Variants in BRWD1 observed in about 807,000 individuals in gnomAD.
BRWD1 encodes bromodomain and WD repeat domain containing 1, also known as bromodomain and WD repeat-containing protein 1.
BRWD1 carries 82 observed loss-of-function variants against 251.2 expected under a neutral mutation model. The observed-to-expected ratio is 0.33, with a 90% confidence interval of 0.27 to 0.39. The LOEUF is 0.39. Among genes scored for constraint, BRWD1 ranks in the 10% least tolerant of loss-of-function variants. The pLI is 1.00. For missense variants in BRWD1, 2,233 were observed against 2,711.6 expected (o/e 0.82, Z 3.92); for synonymous variants, 918 against 902.8 (o/e 1.02, Z -0.30).
rs1364547592 is a variant in BRWD1 at position 39,196,959 on chromosome 21, T to G, written c.6110A>C (p.Lys2037Thr). The G allele has an allele frequency of 6.2e-7, 1 of 1,614,020 alleles. No individual in the cohort carries two copies. Among genetic ancestry groups the G allele is most frequent in the South Asian group, 1.1e-5 (1 of 91,074 alleles). The change falls in exon 41 of 41, where the codon AAA (lysine) becomes ACA (threonine). Residue 2037 changes from lysine (K) to threonine (T), a missense_variant. Coordinates refer to ENST00000342449, the MANE Select transcript of BRWD1 (RefSeq NM_033656.4). ...EHKHRHTNIH[K>T]IDAPSKRKSS... ...TTTTCTTTTAGAAGGTGCATCTATT[T>G]TGTGAATATTGGTATGCCTGTGCTT...
Position 39,191,392 on chromosome 21 carries a change from A to G in BRWD1, c.*4867T>C. ...ACCAGCTAGAATGTATTTGGCTTGG[A>G]GTAGTGTTTTGTTTTGTTTTTTAAC... On this transcript the variant is annotated 3_prime_UTR_variant, in exon 41 of 41. Coordinates refer to ENST00000342449, the MANE Select transcript of BRWD1 (RefSeq NM_033656.4). 1.0e-6 allele frequency: 1 copy of G among 985,338 alleles called. No homozygotes were observed. The highest frequency in any genetic ancestry group is 1.2e-6 in the Non-Finnish European group (1 of 829,896). The allele number at this position is 985,338 out of a possible 1,614,324, so 61.0% of individuals were successfully genotyped here. A position where few individuals can be genotyped will look rare whatever the true frequency, so the allele number is the denominator to read the frequency against.
chr21:39,258,290 A>G (rs2034626128), intron 18 of BRWD1, among the ~76,000 whole-genome samples, 197 bp downstream of exon 18: 1 of 152,236 alleles, frequency 6.6e-6, no homozygotes, highest in African/African-American at 2.4e-5. Flanking sequence ...AGGCTTCAGC[A>G]GTACTTGAAA....
At chr21:39,307,753 A>G (rs2036336657) in intron 4 of BRWD1, among the ~76,000 whole-genome samples, 1 of 152,196 alleles carries the variant, frequency 6.6e-6, no homozygotes, top group Admixed American at 6.5e-5. Flanking sequence ...CTCTTTTACA[A>G]TTTTGTATTT....
rs1423161817 is a variant in BRWD1 at position 39,313,592 on chromosome 21, C to T, written c.-101G>A. On this transcript the variant is annotated 5_prime_UTR_variant, in exon 1 of 41. Coordinates refer to ENST00000342449, the MANE Select transcript of BRWD1 (RefSeq NM_033656.4). ...GGCGTCCCCTCTTCTCAGGCGCGCG[C>T]CGCCGCCGCCGCCGCCGCCGCCATA... 1 of 275,064 alleles carries T rather than the reference C, an allele frequency of 3.6e-6. No homozygotes were observed. The highest frequency in any genetic ancestry group is 4.9e-6 in the Non-Finnish European group (1 of 202,362). 17.0% of individuals were successfully genotyped at this position (275,064 alleles called of 1,614,324 possible).
At chr21:39,270,569 G>A (rs1236653615) in intron 13 of BRWD1, 136 bp from the exon 14 acceptor site, 1 of 684,896 alleles carries the variant, frequency 1.5e-6, no homozygotes, top group Non-Finnish European at 2.3e-6. Context: ...GTTCATCACA[G>A]CTGACCCAGA....
At chr21:39,310,793 G>A (rs1479485664) in intron 4 of BRWD1, among the ~76,000 whole-genome samples, 1 of 152,148 alleles carries the variant, frequency 6.6e-6, no homozygotes, top group East Asian at 1.9e-4. Context: ...GGCAGGTCTA[G>A]AACTCCTGGC....
At chr21:39,263,118 A>G (rs2034808860) in intron 17 of BRWD1, among the ~76,000 whole-genome samples, 1 of 152,148 alleles carries the variant, frequency 6.6e-6, no homozygotes, top group African/African-American at 2.4e-5. Flanking sequence ...AAATAAACAC[A>G]CATACACTTG....
intron 23 of BRWD1, among the ~76,000 whole-genome samples, chr21:39,233,133 C>T (rs2033683280): frequency 6.6e-6 from 1 of 152,064 alleles, no homozygotes; most frequent in African/African-American, 2.4e-5. Flanking sequence ...AAAATCAACA[C>T]TCAAGCAGCC....
In BRWD1 at chr21:39,199,552, C is replaced by G. The variant is rs374839806; in HGVS notation, c.4864G>C (p.Ala1622Pro). The G allele has an allele frequency of 4.0e-5, 65 of 1,614,164 alleles. No homozygotes were observed. The African/African-American group carries it at 7.7e-4, about 19-fold the overall frequency. ...CTTAAGACTTTTCGGTTATTTCCAG[C>G]TCTGGCTTTTAGAATTTCACCAGTC... ...LETGEILKAR[A>P]GNNRKVLRKC... The change falls in exon 40 of 41, where the codon GCT becomes CCT. Residue 1622 changes from alanine to proline, a missense_variant. Ala to Pro is a conservative substitution (Grantham distance 27, BLOSUM62 -1). This residue lies in a region of BRWD1 where 928 missense variants were observed against 970.0 expected (regional missense o/e 0.96). Coordinates refer to ENST00000342449, the MANE Select transcript of BRWD1 (RefSeq NM_033656.4).
intron 21 of BRWD1, among the ~76,000 whole-genome samples, chr21:39,239,020 T>C (rs2033903877): frequency 6.6e-6 from 1 of 152,178 alleles, no homozygotes; most frequent in South Asian, 2.1e-4. Context: ...CTTCTGCCCA[T>C]TTTTAAATTA....
chr21:39,266,163 C>T (rs1428187323), intron 15 of BRWD1, among the ~76,000 whole-genome samples: 2 of 152,030 alleles, frequency 1.3e-5, no homozygotes, highest in African/African-American at 4.8e-5. Context: ...AGTGATACTT[C>T]ACTATTGTTG....
rs2032152628 is a variant in BRWD1, at chr21:39,202,357, T to C, written c.4553A>G (p.Asn1518Ser). 1.2e-6 allele frequency: 2 copies of C among 1,613,662 alleles called. No homozygotes were observed. Among genetic ancestry groups the C allele is most frequent in the Non-Finnish European group, 1.7e-6 (2 of 1,179,634 alleles). Residue 1518 changes from asparagine (N) to serine (S), a missense_variant, in exon 38 of 41, where the codon AAT becomes AGT. Physicochemically the swap from Asn to Ser is conservative, Grantham distance 46. Coordinates refer to ENST00000342449, the MANE Select transcript of BRWD1 (RefSeq NM_033656.4). ...SAESSERRKR[N>S]RPITNGSTLS... ...TGTAGAACCATTTGTTATAGGTCTA[T>C]TTCTTTTCCTCCTTTCTGATGATTC...
chr21:39,250,184 C>A (rs2034348643), intron 20 of BRWD1, among the ~76,000 whole-genome samples: 2 of 151,980 alleles, frequency 1.3e-5, no homozygotes, highest in South Asian at 4.2e-4. Context: ...GAACAGTAAT[C>A]CCAAGGAACT....
rs1423060961 is a variant in BRWD1 at position 39,277,328 on chromosome 21, T to C, written c.1027A>G (p.Ser343Gly). 6.3e-7 allele frequency: 1 copy of C among 1,598,912 alleles called. No homozygotes were observed. The highest frequency in any genetic ancestry group is 8.5e-7 in the Non-Finnish European group (1 of 1,172,686). The change falls in exon 11 of 41, where the codon AGT (serine) becomes GGT (glycine). Residue 343 changes from serine (S) to glycine (G), a missense_variant. Ser to Gly is a moderately conservative substitution (Grantham distance 56, BLOSUM62 0). Around this residue, in one of 12 missense-constraint regions of BRWD1, gnomAD observed 315 missense variants for 421.8 expected, o/e 0.75. Transcript: ENST00000342449. ...SVGGMFLATG[S>G]TDHVIRMYFL... is the part of the protein sequence containing the mutation. The stretch of plus-strand genomic sequence containing the variant: ...TACATTCTGATTACATGATCAGTAC[T>C]ACCTGTGGCTAAAAACATACCACCT...
At chr21:39,241,667 T>C (rs1052574317) in intron 21 of BRWD1, among the ~76,000 whole-genome samples, 1 of 152,100 alleles carries the variant, frequency 6.6e-6, no homozygotes, top group African/African-American at 2.4e-5. Context: ...ATATAATATG[T>C]ATACACAGGC....
chr21:39,239,394 A>G (rs887347986), intron 21 of BRWD1, among the ~76,000 whole-genome samples: 9 of 152,112 alleles, frequency 5.9e-5, no homozygotes, highest in African/African-American at 2.2e-4. Flanking sequence ...TTTATTTTGT[A>G]TGTGAATGTC....
At chr21:39,300,178 A>G (rs1431387988) in intron 4 of BRWD1, among the ~76,000 whole-genome samples, 5 of 151,932 alleles carry the variant, frequency 3.3e-5, no homozygotes, top group African/African-American at 1.2e-4. Context: ...ACCTACCACA[A>G]TTTTTTCCCA....
Position 39,190,669 on chromosome 21 carries a change from C to G in BRWD1, c.*5590G>C. 1 of 985,378 alleles carries G rather than the reference C, an allele frequency of 1.0e-6. No homozygotes were observed. The highest frequency in any genetic ancestry group is 1.2e-6 in the Non-Finnish European group (1 of 829,908). 61.0% of individuals were successfully genotyped at this position (985,378 alleles called of 1,614,324 possible). On this transcript the variant is annotated 3_prime_UTR_variant, in exon 41 of 41. Transcript: ENST00000342449. Reference sequence around the variant, plus strand: ...ATTTATCAATGATCTTCATCCCTCCCAAAGCAGAAGTTTCCAAAAACATCC... The same window carrying G: ...ATTTATCAATGATCTTCATCCCTCCGAAAGCAGAAGTTTCCAAAAACATCC...
In BRWD1 at chr21:39,191,078, T is replaced by A. The variant is rs2031527730; in HGVS notation, c.*5181A>T. 2.0e-6 allele frequency: 2 copies of A among 985,254 alleles called. No homozygotes were observed. Among genetic ancestry groups the A allele is most frequent in the South Asian group, 9.4e-5 (2 of 21,292 alleles). 61.0% of individuals were successfully genotyped at this position (985,254 alleles called of 1,614,324 possible). A position where few individuals can be genotyped will look rare whatever the true frequency, so the allele number is the denominator to read the frequency against. ...GGACTTTATACTTAACTGCTTAATT[T>A]GCTTTTTAGAAGCAATACCTTAAGA... On this transcript the variant is annotated 3_prime_UTR_variant, in exon 41 of 41. Transcript: ENST00000342449.
Sources: allele counts gnomAD v4.1 joint callset (sites outside exome capture counted in the v4.1 genomes callset), GRCh38; gene constraint gnomAD v4.1.1; regional missense constraint gnomAD v4.1.1; transcripts MANE v1.5; gene names NCBI Gene and HGNC (gene_info 2026-07-23, HGNC 2026-07-21).